Variants in DNAJC13 observed in about 807,000 individuals in gnomAD.
DNAJC13 encodes the protein dnaJ homolog subfamily C member 13.
Under a neutral mutation model 290.5 loss-of-function variants are expected in DNAJC13, and 75 were observed. The ratio of observed to expected loss-of-function variants is 0.26; its 90% CI spans 0.21 to 0.31. The LOEUF is 0.31. Ranked by LOEUF, DNAJC13 falls within the 10% of genes least tolerant of loss-of-function variation. The probability of loss-of-function intolerance (pLI) is 1.00; values close to 1 mark genes in which losing one functional copy is unlikely to be tolerated. For synonymous variants in DNAJC13, 862 were observed against 892.0 expected (o/e 0.97, Z 0.60); for missense variants, 2,260 against 2,674.5 (o/e 0.85, Z 3.42).
chr3:132,473,298 T>G, intron 21 of DNAJC13, 71 bp downstream of exon 21: 2 of 1,041,724 alleles, frequency 1.9e-6, no homozygotes, highest in Non-Finnish European at 2.9e-6. Context: ...TGACACGTTC[T>G]TCTTCCCTGA....
chr3:132,508,185 A>T (rs1935653891), intron 43 of DNAJC13, among the ~76,000 whole-genome samples: 1 of 152,200 alleles, frequency 6.6e-6, no homozygotes, highest in Non-Finnish European at 1.5e-5. Flanking sequence ...GATAGAGGGT[A>T]AGGAAGCTGC....
intron 47 of DNAJC13, 23 bp from the exon 48 acceptor site, chr3:132,516,681 C>T (rs767966788): frequency 2.5e-6 from 4 of 1,592,176 alleles, no homozygotes; most frequent in South Asian, 2.3e-5. Context: ...TTTATAAGCA[C>T]TAATTATCTT....
intron 1 of DNAJC13, among the ~76,000 whole-genome samples, chr3:132,433,749 T>G (rs1315741040): frequency 2.6e-5 from 4 of 152,222 alleles, no homozygotes; most frequent in Admixed American, 2.0e-4. Context: ...ATGTCAGATT[T>G]AAAGCTTTAT....
At chr3:132,521,957 T>C (rs1260293676) in intron 48 of DNAJC13, among the ~76,000 whole-genome samples, 3 of 152,224 alleles carry the variant, frequency 2.0e-5, no homozygotes, top group African/African-American at 7.2e-5. Flanking sequence ...TGTTATGTAA[T>C]TGAAATTTAG....
At position 132,511,089 on chromosome 3, in the gene DNAJC13, G is replaced by A. The variant is rs550026473; in HGVS notation, c.5138G>A (p.Ser1713Asn). 3.7e-6 allele frequency: 6 copies of A among 1,613,522 alleles called. No individual in the cohort carries two copies. The African/African-American group carries it at 4.0e-5, about 11-fold the overall frequency. Residue 1713 changes from serine to asparagine, a missense_variant, in exon 44 of 56, where the codon AGT (serine) becomes AAT (asparagine). By Grantham distance (46) the Ser-to-Asn change is conservative. This residue lies in a region of DNAJC13 where 1,494 missense variants were observed against 1,693.7 expected (regional missense o/e 0.88). Transcript: ENST00000260818. ...TAGGTTCCAAAAGCATTTGCTGCAA[G>A]TCTCTTGGATTATATAGGCTCGCAG... ...QLEVPKAFAA[S>N]LLDYIGSQAQ...
chr3:132,531,544 T>A (rs1377851939), intron 55 of DNAJC13, among the ~76,000 whole-genome samples: 1 of 152,208 alleles, frequency 6.6e-6, no homozygotes, highest in African/African-American at 2.4e-5. Context: ...ACGCCTATAA[T>A]CCCAGCACTT....
intron 20 of DNAJC13, chr3:132,472,578 G>T (rs1576482080): frequency 2.0e-6 from 2 of 985,392 alleles, no homozygotes; most frequent in Middle Eastern, 5.2e-4. Flanking sequence ...TATGGTGAGT[G>T]TAAGTTCCTG....
intron 17 of DNAJC13, among the ~76,000 whole-genome samples, chr3:132,464,433 A>G (rs756415088): frequency 5.3e-5 from 8 of 152,174 alleles, no homozygotes; most frequent in Non-Finnish European, 1.0e-4. Context: ...TAAGCATACT[A>G]TATTATGACT....
At chr3:132,430,343 T>G (rs1186194145) in intron 1 of DNAJC13, among the ~76,000 whole-genome samples, 1 of 152,000 alleles carries the variant, frequency 6.6e-6, no homozygotes, top group African/African-American at 2.4e-5. Flanking sequence ...TTAATAATTC[T>G]TATATTTCTT....
At chr3:132,464,010 G>A (rs924908973) in intron 17 of DNAJC13, among the ~76,000 whole-genome samples, 193 bp downstream of exon 17, 1 of 152,106 alleles carries the variant, frequency 6.6e-6, no homozygotes, top group African/African-American at 2.4e-5. Flanking sequence ...AACCTGGAGG[G>A]AAACACTGTT....
chr3:132,471,227 G>C (rs1292942706), intron 20 of DNAJC13, among the ~76,000 whole-genome samples: 7 of 134,970 alleles, frequency 5.2e-5, no homozygotes, highest in African/African-American at 1.9e-4. Context: ...GGACGGGGCG[G>C]CTGGCCGGGC....
chr3:132,512,527 C>T (rs1935807821), intron 44 of DNAJC13, among the ~76,000 whole-genome samples: 1 of 152,112 alleles, frequency 6.6e-6, no homozygotes, highest in East Asian at 1.9e-4. Flanking sequence ...AATACCATTT[C>T]ATTTTATGTA....
At chr3:132,453,188 C>T (rs1391626308) in intron 6 of DNAJC13, 110 bp from the exon 7 acceptor site, 2 of 916,478 alleles carry the variant, frequency 2.2e-6, no homozygotes, top group Admixed American at 2.8e-5. Context: ...TAATACCTAC[C>T]TCTTTTTTCT....
intron 20 of DNAJC13, among the ~76,000 whole-genome samples, chr3:132,470,031 C>T (rs1203426095): frequency 6.8e-5 from 6 of 88,650 alleles, no homozygotes; most frequent in African/African-American, 2.5e-4. Context: ...GTGTTTCTCA[C>T]AGAGGGGGAT....
Position 132,463,787 on chromosome 3 carries a change from T to A in DNAJC13, c.1862T>A (p.Ile621Lys). The A allele has an allele frequency of 1.9e-6, 3 of 1,613,288 alleles. No homozygotes were observed. Among genetic ancestry groups the A allele is most frequent in the Non-Finnish European group, 2.5e-6 (3 of 1,179,342 alleles). ...PRHLHTAMFTISSDQRMLTNR... is the reference protein window; with the variant it reads ...PRHLHTAMFTKSSDQRMLTNR... ...CACTTGCATACTGCGATGTTTACAA[T>A]AAGCTCAGATCAAAGGATGCTTACA... Residue 621 changes from isoleucine to lysine, a missense_variant, in exon 17 of 56, where the codon ATA (isoleucine) becomes AAA (lysine). Transcript: ENST00000260818.
At chr3:132,445,572 G>T (rs540628460) in intron 2 of DNAJC13, among the ~76,000 whole-genome samples, 9 of 151,908 alleles carry the variant, frequency 5.9e-5, no homozygotes, top group Non-Finnish European at 1.0e-4. Context: ...TTTGAGCCTG[G>T]TGCTTTTGGA....
intron 26 of DNAJC13, among the ~76,000 whole-genome samples, 169 bp downstream of exon 26, chr3:132,480,639 A>G (rs1310367008): frequency 6.6e-6 from 1 of 152,246 alleles, no homozygotes; most frequent in African/African-American, 2.4e-5. Flanking sequence ...CACTGTAAGA[A>G]CGATCCAAAA....
At chr3:132,497,279 A>G (rs536462000) in intron 36 of DNAJC13, among the ~76,000 whole-genome samples, 1 of 152,338 alleles carries the variant, frequency 6.6e-6, no homozygotes, top group African/African-American at 2.4e-5. Flanking sequence ...TAGCAGTCAG[A>G]AAGCCAGGAG....
chr3:132,493,575 A>G (rs73216002), intron 33 of DNAJC13, among the ~76,000 whole-genome samples: 2,035 of 152,192 alleles, frequency 0.013, 16 homozygotes, highest in Non-Finnish European at 0.02. Context: ...TCTGTAAAGT[A>G]CCTAGCTCCT....
Sources: gnomAD v4.1 joint callset for allele counts (sites outside exome capture counted in the v4.1 genomes callset) on GRCh38, gnomAD v4.1.1 for gene constraint, gnomAD v4.1.1 regional missense constraint, MANE v1.5 for transcripts, NCBI Gene and HGNC (gene_info 2026-07-23, HGNC 2026-07-21) for gene names.